The following ZNF827 variants were observed in gnomAD, a reference collection of about 807,000 sequenced individuals.
ZNF827 encodes the protein zinc finger protein 827.
Under a neutral mutation model 102.4 loss-of-function variants are expected in ZNF827, and 13 were observed. That is an observed-to-expected ratio of 0.13 (90% confidence interval 0.08 to 0.20). ZNF827 has a LOEUF of 0.20. Among genes scored for constraint, ZNF827 ranks in the 10% least tolerant of loss-of-function variants. The pLI is 1.00. For synonymous variants in ZNF827, 523 were observed against 536.2 expected (o/e 0.98, Z 0.34); for missense variants, 1,103 against 1,344.4 (o/e 0.82, Z 2.81).
intron 4 of ZNF827, among the ~76,000 whole-genome samples, chr4:145,871,675 G>A (rs1224094752): frequency 6.6e-6 from 1 of 152,078 alleles, no homozygotes; most frequent in Non-Finnish European, 1.5e-5. Flanking sequence ...CAGACAAAAA[G>A]ATAAAAATAA....
intron 1 of ZNF827, among the ~76,000 whole-genome samples, chr4:145,903,482 A>G (rs1751592244): frequency 6.6e-6 from 1 of 152,234 alleles, no homozygotes; most frequent in Admixed American, 6.5e-5. Context: ...TGGATCTGGT[A>G]AAGAGGTAAT....
At chr4:145,821,829 G>A (rs532076836) in intron 8 of ZNF827, among the ~76,000 whole-genome samples, 20 of 152,242 alleles carry the variant, frequency 1.3e-4, no homozygotes, top group Admixed American at 7.2e-4. Context: ...AGCATATAAT[G>A]AAATCACTCT....
intron 9 of ZNF827, among the ~76,000 whole-genome samples, chr4:145,778,898 T>C (rs969437147): frequency 6.6e-6 from 1 of 152,218 alleles, no homozygotes; most frequent in Non-Finnish European, 1.5e-5. Flanking sequence ...TACTATTTAT[T>C]CCTCCTTGTT....
chr4:145,786,362 G>A lies in ZNF827; in HGVS notation c.2384-6851C>T, dbSNP rs534727512. On this transcript the variant is annotated intron_variant, in intron 8 of 14. Coordinates refer to ENST00000508784, the MANE Select transcript of ZNF827 (RefSeq NM_001306215.2). ...GCTAAGACAGAAGGCTTTATTTGGCGACAGCTGTAAGCAAAAGATTGGCCA... is the reference window on the plus strand; with the variant it reads ...GCTAAGACAGAAGGCTTTATTTGGCAACAGCTGTAAGCAAAAGATTGGCCA... Among the ~76,000 whole-genome samples the A allele has an allele frequency of 2.0e-5, 3 of 152,246 alleles. No homozygotes were observed. The East Asian group carries it at 5.8e-4, about 29-fold the overall frequency.
chr4:145,915,627 T>C (rs1752613270), intron 1 of ZNF827, among the ~76,000 whole-genome samples: 1 of 152,186 alleles, frequency 6.6e-6, no homozygotes, highest in African/African-American at 2.4e-5. Flanking sequence ...AACCACAGCA[T>C]TCCACCCTTG....
At chr4:145,816,464 G>A (rs1485512815) in intron 8 of ZNF827, among the ~76,000 whole-genome samples, 2 of 152,146 alleles carry the variant, frequency 1.3e-5, no homozygotes, top group African/African-American at 4.8e-5. Flanking sequence ...TATAAATGCT[G>A]GTCTATAGGG....
chr4:145,806,911 C>T (rs1054373593), intron 8 of ZNF827, among the ~76,000 whole-genome samples: 1 of 152,184 alleles, frequency 6.6e-6, no homozygotes, highest in African/African-American at 2.4e-5. Context: ...TCTTCTATCA[C>T]ACCTGGTGCC....
Position 145,903,198 on chromosome 4 carries a change from C to T in ZNF827, c.61G>A (p.Glu21Lys), listed in dbSNP as rs1431013862. The T allele has an allele frequency of 1.9e-6, 3 of 1,609,722 alleles. No individual in the cohort carries two copies. The highest frequency in any genetic ancestry group is 1.7e-6 in the Non-Finnish European group (2 of 1,176,958). The change falls in exon 2 of 15, where the codon GAG (glutamate) becomes AAG (lysine). Residue 21 changes from glutamate to lysine, a missense_variant. By Grantham distance (56) the Glu-to-Lys change is moderately conservative (BLOSUM62 1). Around this residue, in one of 5 missense-constraint regions of ZNF827, gnomAD observed 441 missense variants for 458.6 expected, o/e 0.96. Coordinates refer to ENST00000508784, the MANE Select transcript of ZNF827 (RefSeq NM_001306215.2). ...RLPSHVSRQE[E>K]AEGELSEGEH... ...CCTTCACTGAGCTCTCCCTCCGCCT[C>T]TTCCTGCCTACTAACATCTGGGGAG...
At chr4:145,859,056 G>T (rs948280960) in intron 5 of ZNF827, among the ~76,000 whole-genome samples, 2 of 152,144 alleles carry the variant, frequency 1.3e-5, no homozygotes, top group African/African-American at 2.4e-5. Flanking sequence ...CTGAAAAGCC[G>T]TGACTACTTC....
intron 7 of ZNF827, among the ~76,000 whole-genome samples, chr4:145,842,171 T>C (rs1745483192): frequency 6.6e-6 from 1 of 152,202 alleles, no homozygotes; most frequent in Non-Finnish European, 1.5e-5. Context: ...GTTATTAGTT[T>C]CAACCTTTAG....
chr4:145,788,869 G>C (rs181385793), intron 8 of ZNF827, among the ~76,000 whole-genome samples: 1 of 152,226 alleles, frequency 6.6e-6, no homozygotes, highest in East Asian at 1.9e-4. Context: ...TTTTTTGTTT[G>C]TTTGGCTTTG....
chr4:145,780,063 T>C (rs1010521510), intron 8 of ZNF827, among the ~76,000 whole-genome samples: 1 of 152,074 alleles, frequency 6.6e-6, no homozygotes, highest in African/African-American at 2.4e-5. Context: ...TGGTGGCGGG[T>C]GCCTGTAATC....
At chr4:145,835,869 A>T (rs1214894651) in intron 7 of ZNF827, among the ~76,000 whole-genome samples, 1 of 151,636 alleles carries the variant, frequency 6.6e-6, no homozygotes, top group Non-Finnish European at 1.5e-5. Flanking sequence ...ACAAGCCTTT[A>T]CAAGTTAGTT....
intron 1 of ZNF827, among the ~76,000 whole-genome samples, chr4:145,910,100 A>C (rs1437549570): frequency 6.6e-6 from 1 of 152,186 alleles, no homozygotes; most frequent in Non-Finnish European, 1.5e-5. Context: ...CAAAGGCATG[A>C]GGAAGTGAGA....
At chr4:145,849,827 G>A (rs1450692974) in intron 5 of ZNF827, among the ~76,000 whole-genome samples, 3 of 152,326 alleles carry the variant, frequency 2.0e-5, no homozygotes, top group East Asian at 3.9e-4. Context: ...GCCTTGGCCT[G>A]CAAGCTGGAG....
chr4:145,788,422 A>T (rs1224682644), intron 8 of ZNF827, among the ~76,000 whole-genome samples: 1 of 152,148 alleles, frequency 6.6e-6, no homozygotes, highest in African/African-American at 2.4e-5. Context: ...GCCAGAATCC[A>T]GGCCAATTGA....
At chr4:145,890,918 A>C (rs1174554439) in intron 3 of ZNF827, among the ~76,000 whole-genome samples, 1 of 152,210 alleles carries the variant, frequency 6.6e-6, no homozygotes. Context: ...AAATTTTCTT[A>C]ATCTTCCAAG....
At chr4:145,830,048 T>C (rs951503314) in intron 7 of ZNF827, among the ~76,000 whole-genome samples, 1 of 152,202 alleles carries the variant, frequency 6.6e-6, no homozygotes, top group Non-Finnish European at 1.5e-5. Flanking sequence ...ATGAAAGTTA[T>C]CTCAATAATT....
intron 3 of ZNF827, among the ~76,000 whole-genome samples, chr4:145,890,593 C>T (rs1172770083): frequency 1.3e-5 from 2 of 152,172 alleles, no homozygotes; most frequent in African/African-American, 2.4e-5. Flanking sequence ...GTTTTCTGCT[C>T]GCTGAAGCTT....
Sources: gnomAD v4.1 joint callset for allele counts (sites outside exome capture counted in the v4.1 genomes callset) on GRCh38, gnomAD v4.1.1 for gene constraint, gnomAD v4.1.1 regional missense constraint, MANE v1.5 for transcripts, NCBI Gene and HGNC (gene_info 2026-07-23, HGNC 2026-07-21) for gene names.